The following PKHD1 variants were observed in gnomAD, a reference collection of about 807,000 sequenced individuals.
PKHD1 encodes PKHD1 ciliary IPT domain containing fibrocystin/polyductin, also known as fibrocystin.
PKHD1 carries 291 observed loss-of-function variants against 412.0 expected under a neutral mutation model. The ratio of observed to expected loss-of-function variants is 0.71; its 90% CI spans 0.64 to 0.78. PKHD1 has a LOEUF of 0.78. PKHD1 is among the 30% of genes least tolerant of loss of function. The probability of loss-of-function intolerance (pLI) is 0.00; values close to 1 mark genes in which losing one functional copy is unlikely to be tolerated. For missense variants in PKHD1, 4,825 were observed against 4,950.7 expected (o/e 0.97, Z 0.76); for synonymous variants, 1,777 against 1,821.5 (o/e 0.98, Z 0.62).
In PKHD1 at chr6:51,832,372, G is replaced by A. The variant is rs546087811; in HGVS notation, c.8174-1383C>T. On this transcript the variant is annotated intron_variant, in intron 51 of 66. Transcript: ENST00000371117. ...GCAGACAGAAGGATGAGCATGAGCC[G>A]AGGCAAAAATTGGGAAGTCAAGTGG... is the stretch of plus-strand genomic sequence containing the variant. 5.3e-5 allele frequency among the ~76,000 whole-genome samples: 8 copies of A among 152,130 alleles called. 1 individual carries two copies. In the South Asian group the frequency reaches 1.4e-3, roughly 28 times the overall value.
intron 5 of PKHD1, among the ~76,000 whole-genome samples, chr6:52,079,057 G>A (rs2128239448): frequency 6.6e-6 from 1 of 152,340 alleles, no homozygotes; most frequent in East Asian, 1.9e-4. Context: ...TGCATTGTAT[G>A]TTTTGAAACA....
chr6:51,715,135 T>C lies in PKHD1; in HGVS notation c.10156+29250A>G, dbSNP rs71570545. 1.0e-2 allele frequency among the ~76,000 whole-genome samples: 1,519 copies of C among 152,294 alleles called. 13 individuals are homozygous for C. Among genetic ancestry groups the C allele is most frequent in the Middle Eastern group, 0.017 (5 of 294 alleles). On this transcript the variant is annotated intron_variant, in intron 60 of 66. Transcript: ENST00000371117. The stretch of plus-strand genomic sequence containing the variant: ...CCTCTACCAAAGCTAGTCTCCTTTA[T>C]ACTTGTGGTCTTTCCTAGTTTAGGA...
intron 34 of PKHD1, among the ~76,000 whole-genome samples, chr6:52,011,925 G>A (rs1049670414): frequency 6.6e-6 from 1 of 152,118 alleles, no homozygotes; most frequent in Admixed American, 6.5e-5. Flanking sequence ...TCCTTCTCAC[G>A]GTACCTGATA....
chr6:51,814,349 C>T (rs564261682), intron 52 of PKHD1, among the ~76,000 whole-genome samples: 5 of 152,344 alleles, frequency 3.3e-5, no homozygotes, highest in Non-Finnish European at 7.3e-5. Flanking sequence ...AACAGCAAAA[C>T]TTGGGCTTCC....
intron 37 of PKHD1, among the ~76,000 whole-genome samples, chr6:51,915,137 T>C (rs1339447794): frequency 6.6e-6 from 1 of 152,048 alleles, no homozygotes. Flanking sequence ...ATCTCAGATA[T>C]AGGCCCTCTC....
At chr6:51,971,208 T>TA (rs1793620505) in intron 35 of PKHD1, among the ~76,000 whole-genome samples, 1 of 152,228 alleles carries the variant, frequency 6.6e-6, no homozygotes, top group South Asian at 2.1e-4. Flanking sequence ...GGACCATAGA[T>TA]AATAAATCGG....
At chr6:51,813,366 C>T (rs9474083) in intron 52 of PKHD1, among the ~76,000 whole-genome samples, 49,562 of 151,846 alleles carry the variant, frequency 0.33, 8,390 homozygotes, top group Middle Eastern at 0.42. Flanking sequence ...ATTATAATAA[C>T]GGGTACATTG....
intron 52 of PKHD1, among the ~76,000 whole-genome samples, chr6:51,796,364 T>C (rs1469388005): frequency 1.3e-5 from 2 of 152,156 alleles, no homozygotes; most frequent in Non-Finnish European, 2.9e-5. Context: ...CCCCTTGTTG[T>C]TTCTGATTGT....
intron 60 of PKHD1, among the ~76,000 whole-genome samples, chr6:51,672,185 G>A (rs714785): frequency 0.021 from 3,167 of 152,078 alleles, 57 homozygotes; most frequent in Non-Finnish European, 0.034. Flanking sequence ...TTGCAACACC[G>A]GGTAAGTCGA....
At chr6:51,941,410 C>T (rs1452576843) in intron 36 of PKHD1, among the ~76,000 whole-genome samples, 9 of 149,410 alleles carry the variant, frequency 6.0e-5, no homozygotes, top group East Asian at 5.8e-4. Flanking sequence ...CGCCCGCCAC[C>T]GCGCCCGGCT....
At chr6:51,742,639 T>A (rs1200688071) in intron 60 of PKHD1, among the ~76,000 whole-genome samples, 1 of 152,178 alleles carries the variant, frequency 6.6e-6, no homozygotes, top group Non-Finnish European at 1.5e-5. Flanking sequence ...TATAATCCAT[T>A]CATTTGATCA....
intron 60 of PKHD1, among the ~76,000 whole-genome samples, chr6:51,671,502 C>T (rs1398019685): frequency 7.9e-5 from 12 of 152,158 alleles, no homozygotes; most frequent in African/African-American, 2.2e-4. Context: ...AATTTCCTCC[C>T]GTAGCTTGGA....
chr6:51,664,863 T>C (rs1773464714), intron 60 of PKHD1, among the ~76,000 whole-genome samples: 1 of 152,150 alleles, frequency 6.6e-6, no homozygotes, highest in Non-Finnish European at 1.5e-5. Flanking sequence ...TGGATTTTGA[T>C]TTCTCATATC....
At position 51,836,448 on chromosome 6, in the gene PKHD1, T is replaced by C. The variant is rs898255017; in HGVS notation, c.8129A>G (p.Gln2710Arg). The change falls in exon 51 of 67, where the codon CAA becomes CGA. Residue 2710 changes from glutamine (Q) to arginine (R), a missense_variant. Coordinates refer to ENST00000371117, the MANE Select transcript of PKHD1 (RefSeq NM_138694.4). ...ACCTTCCTTCACCCGGAGAATGACTTGAACTTGGCCTTCACCTGAAACTAA... is the reference window on the plus strand; with the variant it reads ...ACCTTCCTTCACCCGGAGAATGACTCGAACTTGGCCTTCACCTGAAACTAA... ...TYLVSGEGQVQVILRVKEGMP... is the reference protein window; with the variant it reads ...TYLVSGEGQVRVILRVKEGMP... The C allele has an allele frequency of 1.9e-6, 3 of 1,613,118 alleles. No individual in the cohort carries two copies. Among genetic ancestry groups the C allele is most frequent in the African/African-American group, 2.7e-5 (2 of 74,884 alleles).
intron 52 of PKHD1, among the ~76,000 whole-genome samples, chr6:51,821,487 G>A (rs980868029): frequency 6.6e-6 from 1 of 152,184 alleles, no homozygotes; most frequent in South Asian, 2.1e-4. Context: ...GGATGCCACT[G>A]TCGGTATTCC....
intron 5 of PKHD1, among the ~76,000 whole-genome samples, chr6:52,078,988 C>T (rs569865553): frequency 3.9e-5 from 6 of 152,148 alleles, no homozygotes; most frequent in East Asian, 3.9e-4. Context: ...AAACACGGAT[C>T]GTAGGAGAGA....
chr6:51,710,134 C>T (rs544076662), intron 60 of PKHD1, among the ~76,000 whole-genome samples: 4 of 152,166 alleles, frequency 2.6e-5, no homozygotes, highest in Non-Finnish European at 4.4e-5. Context: ...TGCTTGACCC[C>T]GGGAGGCAGA....
intron 36 of PKHD1, 109 bp downstream of exon 36, chr6:51,959,761 A>T: frequency 9.7e-7 from 1 of 1,029,120 alleles, no homozygotes; most frequent in South Asian, 1.3e-5. Flanking sequence ...TCTGAGGATA[A>T]ATTGTCAACT....
intron 1 of PKHD1, 42 bp downstream of exon 1, chr6:52,087,392 C>A (rs568239284): frequency 6.6e-6 from 1 of 152,314 alleles, no homozygotes; most frequent in East Asian, 1.9e-4. Flanking sequence ...GATACAACAC[C>A]TAGAAAACAG....
Sources: allele counts gnomAD v4.1 joint callset (sites outside exome capture counted in the v4.1 genomes callset), GRCh38; gene constraint gnomAD v4.1.1; transcripts MANE v1.5; gene names NCBI Gene and HGNC (gene_info 2026-07-23, HGNC 2026-07-21).